Variants in C1QTNF7 observed in about 807,000 individuals in gnomAD.
The protein encoded by C1QTNF7 is C1q and TNF related 7.
C1QTNF7 carries 15 observed loss-of-function variants against 19.6 expected under a neutral mutation model. That is an observed-to-expected ratio of 0.76 (90% CI 0.51 to 1.18). The LOEUF is 1.18. Ranked by LOEUF, C1QTNF7 falls within the 50% of genes most tolerant of loss-of-function variation. The probability of loss-of-function intolerance (pLI) is 0.00; values close to 1 mark genes in which losing one functional copy is unlikely to be tolerated. For missense variants in C1QTNF7, 324 were observed against 359.7 expected (o/e 0.90, Z 0.80); for synonymous variants, 142 against 137.5 (o/e 1.03, Z -0.23).
At chr4:15,406,055 AC>A (rs1181240776) in intron 1 of C1QTNF7, among the ~76,000 whole-genome samples, 1 of 151,502 alleles carries the variant, frequency 6.6e-6, no homozygotes, top group Non-Finnish European at 1.5e-5. Flanking sequence ...CTAGCTACCC[AC>A]CCCTTCTCCA....
rs748587603 is a variant in C1QTNF7 at position 15,442,330 on chromosome 4, G to A, written c.401G>A (p.Gly134Glu). The change falls in exon 3 of 3, where the codon GGG becomes GAG. Residue 134 changes from glycine to glutamate, a missense_variant. Coordinates refer to ENST00000444304, the MANE Select transcript of C1QTNF7 (RefSeq NM_031911.5). ...GACAGAGGAGAACAAGGGGACCCGG[G>A]GCTGCCTGGAGTTTGCAGATGTGGA... ...KGDRGEQGDPGLPGVCRCGSI... is the reference protein window; with the variant it reads ...KGDRGEQGDPELPGVCRCGSI... The A allele has an allele frequency of 1.4e-5, 22 of 1,613,956 alleles. No homozygotes were observed. The highest frequency in any genetic ancestry group is 3.3e-5 in the Admixed American group (2 of 60,002).
chr4:15,377,800 C>T (rs1302289744), intron 1 of C1QTNF7, among the ~76,000 whole-genome samples: 1 of 152,106 alleles, frequency 6.6e-6, no homozygotes, highest in African/African-American at 2.4e-5. Flanking sequence ...CTGCAAGGCT[C>T]CAAGCACATC....
chr4:15,416,699 G>A (rs931709622), intron 1 of C1QTNF7, among the ~76,000 whole-genome samples: 7 of 152,224 alleles, frequency 4.6e-5, no homozygotes, highest in Non-Finnish European at 7.3e-5. Context: ...TTTTCCATCT[G>A]AGGAAAGACA....
rs546461727 is a variant in C1QTNF7, at chr4:15,429,771, C to T, written c.-9+1665C>T. Among the ~76,000 whole-genome samples the T allele has an allele frequency of 3.2e-4, 49 of 152,294 alleles. 1 individual carries two copies. Among genetic ancestry groups the T allele is most frequent in the Non-Finnish European group, 1.6e-4 (11 of 68,016 alleles). On this transcript the variant is annotated intron_variant, in intron 1 of 2. Coordinates refer to ENST00000444304, the MANE Select transcript of C1QTNF7 (RefSeq NM_031911.5). ...ATATTTGTTTGAGTCCCTGATTTTA[C>T]TTCTTTTGGATATATGCCCCAAAGT... is the stretch of plus-strand genomic sequence containing the variant.
At chr4:15,376,207 C>T (rs528912800) in intron 1 of C1QTNF7, among the ~76,000 whole-genome samples, 3 of 152,302 alleles carry the variant, frequency 2.0e-5, no homozygotes, top group Non-Finnish European at 2.9e-5. Flanking sequence ...TTTGTGTTCA[C>T]GGGCAATAGC....
intron 1 of C1QTNF7, among the ~76,000 whole-genome samples, chr4:15,404,448 A>C (rs1369419735): frequency 6.6e-6 from 1 of 152,210 alleles, no homozygotes. Context: ...ATCATGGTGA[A>C]GGTTAAATGA....
chr4:15,346,998 A>C (rs1485767286), intron 1 of C1QTNF7, among the ~76,000 whole-genome samples: 3 of 152,206 alleles, frequency 2.0e-5, no homozygotes, highest in Non-Finnish European at 4.4e-5. Context: ...GTTGAACCAC[A>C]TAAACTTTCT....
chr4:15,376,302 A>C (rs1476910976), intron 1 of C1QTNF7, among the ~76,000 whole-genome samples: 1 of 152,244 alleles, frequency 6.6e-6, no homozygotes, highest in African/African-American at 2.4e-5. Context: ...TGTGAAAGTA[A>C]GTTATTCAAA....
chr4:15,415,785 C>T (rs191171822), intron 1 of C1QTNF7, among the ~76,000 whole-genome samples: 1 of 152,254 alleles, frequency 6.6e-6, no homozygotes, highest in East Asian at 1.9e-4. Flanking sequence ...ATAAATGTTA[C>T]AAACCAGAGA....
At chr4:15,428,682 A>G (rs931561919) in intron 1 of C1QTNF7, among the ~76,000 whole-genome samples, 1 of 152,126 alleles carries the variant, frequency 6.6e-6, no homozygotes, top group Non-Finnish European at 1.5e-5. Context: ...GGAGCCCCCA[A>G]AAGCAAAGAA....
At position 15,443,269 on chromosome 4, in the gene C1QTNF7, A is replaced by C. The variant is rs1712859849; in HGVS notation, c.*470A>C. On this transcript the variant is annotated 3_prime_UTR_variant, in exon 3 of 3. Coordinates refer to ENST00000444304, the MANE Select transcript of C1QTNF7 (RefSeq NM_031911.5). ...TTCAAGCAAGCTACAGAGAAATGAT[A>C]AATGTTTTTTGTTTTATTATTTATT... The C allele has an allele frequency of 6.5e-6, 1 of 153,556 alleles. No homozygotes were observed. The highest frequency in any genetic ancestry group is 2.0e-4 in the South Asian group (1 of 4,892). The allele number at this position is 153,556 out of a possible 1,614,324, so 9.5% of individuals were successfully genotyped here.
At chr4:15,377,743 G>A (rs1717994404) in intron 1 of C1QTNF7, among the ~76,000 whole-genome samples, 1 of 152,148 alleles carries the variant, frequency 6.6e-6, no homozygotes, top group African/African-American at 2.4e-5. Context: ...GTCATGACTT[G>A]AAGCAAAATA....
chr4:15,349,305 A>G (rs536555788), intron 1 of C1QTNF7, among the ~76,000 whole-genome samples: 1 of 151,574 alleles, frequency 6.6e-6, no homozygotes, highest in Admixed American at 6.6e-5. Context: ...TTTTTTGTAC[A>G]CTCACCTCCC....
chr4:15,399,747 C>T (rs1193036520), intron 1 of C1QTNF7, among the ~76,000 whole-genome samples: 2 of 152,156 alleles, frequency 1.3e-5, no homozygotes, highest in Non-Finnish European at 1.5e-5. Flanking sequence ...TTTCCCACAG[C>T]ATGCTGGGTA....
chr4:15,428,685 G>A (rs1712166628), intron 1 of C1QTNF7, among the ~76,000 whole-genome samples: 1 of 152,082 alleles, frequency 6.6e-6, no homozygotes, highest in African/African-American at 2.4e-5. Context: ...GCCCCCAAAA[G>A]CAAAGAACTG....
chr4:15,429,526 T>C (rs1285101369), intron 1 of C1QTNF7, among the ~76,000 whole-genome samples: 1 of 152,238 alleles, frequency 6.6e-6, no homozygotes, highest in Non-Finnish European at 1.5e-5. Flanking sequence ...CATAATATAC[T>C]GTCTTCAGGG....
At chr4:15,348,592 G>A (rs949311140) in intron 1 of C1QTNF7, among the ~76,000 whole-genome samples, 1 of 152,150 alleles carries the variant, frequency 6.6e-6, no homozygotes, top group African/African-American at 2.4e-5. Context: ...AGACCCCAGA[G>A]ACTTAGGTTG....
intron 1 of C1QTNF7, among the ~76,000 whole-genome samples, chr4:15,387,179 G>A (rs1433107869): frequency 1.3e-5 from 2 of 152,196 alleles, no homozygotes; most frequent in African/African-American, 4.8e-5. Flanking sequence ...TATTTGGCCT[G>A]AGCATCCGAA....
At chr4:15,374,961 G>A (rs528977939) in intron 1 of C1QTNF7, among the ~76,000 whole-genome samples, 4 of 151,808 alleles carry the variant, frequency 2.6e-5, no homozygotes, top group Non-Finnish European at 5.9e-5. Flanking sequence ...GAACAAGAGA[G>A]GGAAAGCGAA....
Sources: gnomAD v4.1 joint callset for allele counts (sites outside exome capture counted in the v4.1 genomes callset) on GRCh38, gnomAD v4.1.1 for gene constraint, MANE v1.5 for transcripts, NCBI Gene and HGNC (gene_info 2026-07-23, HGNC 2026-07-21) for gene names.